BAZ1B: variants seen among roughly 807,000 people sequenced by gnomAD.
The protein encoded by BAZ1B is bromodomain adjacent to zinc finger domain 1B.
Under a neutral mutation model 153.8 loss-of-function variants are expected in BAZ1B, and 22 were observed. The observed-to-expected ratio is 0.14, with a 90% confidence interval of 0.10 to 0.20. BAZ1B has a LOEUF of 0.20. Among genes scored for constraint, BAZ1B ranks in the 10% least tolerant of loss-of-function variants. The probability of loss-of-function intolerance (pLI) is 1.00; values close to 1 mark genes in which losing one functional copy is unlikely to be tolerated. For synonymous variants in BAZ1B, 676 were observed against 633.4 expected, an observed-to-expected ratio of 1.07 and a Z score of -1.01; for missense variants, 1,325 against 1,799.3, an observed-to-expected ratio of 0.74 and a Z score of 4.77.
In BAZ1B at chr7:73,441,011, C is replaced by A. The variant is rs1369279197; in HGVS notation, c.*698G>T. 6.6e-6 allele frequency: 1 copy of A among 152,500 alleles called. No homozygotes were observed. Among genetic ancestry groups the A allele is most frequent in the African/African-American group, 2.4e-5 (1 of 41,430 alleles). 9.4% of individuals were successfully genotyped at this position (152,500 alleles called of 1,614,324 possible). A position where few individuals can be genotyped will look rare whatever the true frequency, so the allele number is the denominator to read the frequency against. ...CTCTGCCGCTCTCTCCTCCCACCCC[C>A]CACCGACACTGACCACTGGAATCTT... On this transcript the variant is annotated 3_prime_UTR_variant, in exon 20 of 20. Coordinates refer to ENST00000339594, the MANE Select transcript of BAZ1B (RefSeq NM_032408.4).
At chr7:73,514,498 AC>A (rs1483958742) in intron 1 of BAZ1B, among the ~76,000 whole-genome samples, 13 of 151,148 alleles carry the variant, frequency 8.6e-5, no homozygotes, top group African/African-American at 3.2e-4. Context: ...ATGCCATTGC[AC>A]TGTAGCCTGG....
intron 14 of BAZ1B, 104 bp from the exon 15 acceptor site, chr7:73,449,793 A>C: frequency 3.9e-6 from 5 of 1,277,300 alleles, no homozygotes; most frequent in Non-Finnish European, 5.3e-6. Context: ...ACGAGGAGAC[A>C]TGTTCCATAG....
chr7:73,521,832 G>T lies in BAZ1B; in HGVS notation c.102C>A (p.Thr34=). Residue 34 remains threonine (T), a synonymous_variant, in exon 1 of 20, where the codon ACC becomes ACA. Transcript: ENST00000339594. Reference sequence around the variant, plus strand: ...GCGCGGCTGGAAAAGGATACTCCCGGGTGCGGAAGGCCTCCTGAGTGTGCG... The same window carrying T: ...GCGCGGCTGGAAAAGGATACTCCCGTGTGCGGAAGGCCTCCTGAGTGTGCG... ...TIPHTQEAFR[T]REEYEARLER... The T allele has an allele frequency of 6.7e-7, 1 of 1,498,764 alleles. No homozygotes were observed. The allele number at this position is 1,498,764 out of a possible 1,614,324, so 92.8% of individuals were successfully genotyped here. A position where few individuals can be genotyped will look rare whatever the true frequency, so the allele number is the denominator to read the frequency against.
At chr7:73,451,260 A>C (rs1788018883) in intron 13 of BAZ1B, among the ~76,000 whole-genome samples, 1 of 152,240 alleles carries the variant, frequency 6.6e-6, no homozygotes, top group Non-Finnish European at 1.5e-5. Flanking sequence ...ATTTAAAAAT[A>C]GGATCACCTG....
intron 6 of BAZ1B, among the ~76,000 whole-genome samples, chr7:73,486,092 A>G (rs1789395435): frequency 6.6e-6 from 1 of 152,188 alleles, no homozygotes; most frequent in Non-Finnish European, 1.5e-5. Context: ...TCAAGAAATG[A>G]ATAGCCAGTT....
intron 12 of BAZ1B, among the ~76,000 whole-genome samples, chr7:73,460,966 T>C (rs1269847883): frequency 1.3e-5 from 2 of 152,020 alleles, no homozygotes; most frequent in African/African-American, 4.8e-5. Context: ...TCTTTTTTTT[T>C]TTGGTTTTTT....
At chr7:73,486,094 T>C (rs1235979074) in intron 6 of BAZ1B, among the ~76,000 whole-genome samples, 1 of 152,188 alleles carries the variant, frequency 6.6e-6, no homozygotes, top group African/African-American at 2.4e-5. Flanking sequence ...AAGAAATGAA[T>C]AGCCAGTTAC....
intron 1 of BAZ1B, among the ~76,000 whole-genome samples, chr7:73,517,197 A>G (rs149008319): frequency 1.4e-3 from 214 of 151,666 alleles, no homozygotes; most frequent in African/African-American, 4.4e-3. Context: ...ACAAAAAAAA[A>G]AGAGAGAAAG....
intron 14 of BAZ1B, 70 bp from the exon 15 acceptor site, chr7:73,449,759 C>A: frequency 6.6e-7 from 1 of 1,522,492 alleles, no homozygotes; most frequent in Non-Finnish European, 8.9e-7. Context: ...AAGGAAGAGG[C>A]AATCACCCTA....
rs142724587 is a variant in BAZ1B at position 73,504,382 on chromosome 7, G to A, written c.369+3945C>T. Among the ~76,000 whole-genome samples, 436 of 152,116 alleles carry A rather than the reference G, an allele frequency of 2.9e-3. 2 individuals carry two copies. Among genetic ancestry groups the A allele is most frequent in the African/African-American group, 0.01 (421 of 41,486 alleles). ...TAAAAAATAAAAAACTTAGCTAGGC[G>A]GCCAGGCGTGGTGGCTCACATCTGT... is the stretch of plus-strand genomic sequence containing the variant. On this transcript the variant is annotated intron_variant, in intron 3 of 19. Coordinates refer to ENST00000339594, the MANE Select transcript of BAZ1B (RefSeq NM_032408.4).
At chr7:73,458,546 T>G (rs1251516564) in intron 13 of BAZ1B, among the ~76,000 whole-genome samples, 2 of 151,702 alleles carry the variant, frequency 1.3e-5, no homozygotes, top group Non-Finnish European at 2.9e-5. Flanking sequence ...CATGGTGGCA[T>G]GCACCTGCAA....
intron 9 of BAZ1B, among the ~76,000 whole-genome samples, chr7:73,469,079 G>A (rs1379073155): frequency 6.7e-6 from 1 of 149,982 alleles, no homozygotes; most frequent in East Asian, 1.9e-4. Context: ...GCAGTGAGCC[G>A]AGATCACGCC....
chr7:73,478,097 C>T lies in BAZ1B; in HGVS notation c.1364G>A (p.Arg455Gln), dbSNP rs782409459. 3.1e-6 allele frequency: 5 copies of T among 1,614,164 alleles called. No homozygotes were observed. In the East Asian group the frequency reaches 6.7e-5, roughly 22 times the overall value. Residue 455 changes from arginine to glutamine, a missense_variant, in exon 7 of 20, where the codon CGG becomes CAG. By Grantham distance (43) the Arg-to-Gln change is conservative (BLOSUM62 1). Coordinates refer to ENST00000339594, the MANE Select transcript of BAZ1B (RefSeq NM_032408.4). ...GGTCCTAGGTGTACCCCCAGAATTC[C>T]GTGGGGCTCGTGTCATCTTCTGCGT... Reference protein sequence around the residue: ...KGTQKMTRAPRNSGGTPRTSS... With the variant: ...KGTQKMTRAPQNSGGTPRTSS...
chr7:73,518,282 G>C (rs1420925498), intron 1 of BAZ1B, among the ~76,000 whole-genome samples: 1 of 151,414 alleles, frequency 6.6e-6, no homozygotes, highest in Non-Finnish European at 1.5e-5. Context: ...GCGTGGTGGC[G>C]GGCGCCTGTA....
intron 11 of BAZ1B, 36 bp from the exon 12 acceptor site, chr7:73,463,135 C>A (rs781836733): frequency 1.3e-6 from 2 of 1,527,416 alleles, no homozygotes; most frequent in East Asian, 4.6e-5. Flanking sequence ...GGGAAAGAAA[C>A]AAACTTTTGA....
chr7:73,491,399 A>G (rs904741456), intron 5 of BAZ1B, among the ~76,000 whole-genome samples: 7 of 152,150 alleles, frequency 4.6e-5, no homozygotes, highest in Admixed American at 6.5e-5. Flanking sequence ...CAGGAGTTCG[A>G]GATCAGCCTG....
At chr7:73,464,040 T>C (rs1443630584) in intron 11 of BAZ1B, 1 of 826,058 alleles carries the variant, frequency 1.2e-6, no homozygotes, top group Non-Finnish European at 1.5e-6. Context: ...TAGACACATC[T>C]GTATTCAGAC....
chr7:73,472,204 G>C (rs781523676), intron 7 of BAZ1B, among the ~76,000 whole-genome samples: 1 of 151,868 alleles, frequency 6.6e-6, no homozygotes, highest in Non-Finnish European at 1.5e-5. Flanking sequence ...AGATAAAATA[G>C]AGCTGAAGGT....
intron 12 of BAZ1B, among the ~76,000 whole-genome samples, chr7:73,460,341 C>G (rs537413994): frequency 6.6e-6 from 1 of 151,684 alleles, no homozygotes; most frequent in East Asian, 1.9e-4. Context: ...GTGTAAAATA[C>G]AATTTTAACG....
Sources: gnomAD v4.1 joint callset for allele counts (sites outside exome capture counted in the v4.1 genomes callset) on GRCh38, gnomAD v4.1.1 for gene constraint, MANE v1.5 for transcripts, NCBI Gene and HGNC (gene_info 2026-07-23, HGNC 2026-07-21) for gene names.